Variants in KIF26B observed in about 807,000 individuals in gnomAD.
The protein encoded by KIF26B is kinesin family member 26B, also known as kinesin-like protein KIF26B.
KIF26B carries 63 observed loss-of-function variants against 151.2 expected under a neutral mutation model. That is an observed-to-expected ratio of 0.42 (90% CI 0.34 to 0.51). The LOEUF (loss-of-function observed/expected upper bound fraction) is 0.51, where lower values mean the gene tolerates loss of function less well. KIF26B is among the 20% of genes least tolerant of loss of function. KIF26B has a pLI of 0.07. For missense variants in KIF26B, 2,813 were observed against 2,913.6 expected (o/e 0.97, Z 0.79); for synonymous variants, 1,357 against 1,262.1 (o/e 1.08, Z -1.59).
At chr1:245,527,709 A>G (rs993598635) in intron 4 of KIF26B, among the ~76,000 whole-genome samples, 1 of 150,750 alleles carries the variant, frequency 6.6e-6, no homozygotes, top group Non-Finnish European at 1.5e-5. Context: ...AATTTTTTGT[A>G]TTTTTAGTAG....
At chr1:245,307,844 A>C (rs1035841730) in intron 2 of KIF26B, among the ~76,000 whole-genome samples, 28 of 151,356 alleles carry the variant, frequency 1.8e-4, no homozygotes, top group South Asian at 4.2e-4. Context: ...GGGTTCACGC[A>C]ATTCTCCTGC....
At chr1:245,163,163 GA>G (rs1215883402) in intron 2 of KIF26B, among the ~76,000 whole-genome samples, 2 of 152,114 alleles carry the variant, frequency 1.3e-5, no homozygotes, top group African/African-American at 4.8e-5. Flanking sequence ...GGATCTTCTA[GA>G]ATGTTCTCAC....
Position 245,708,636 on chromosome 1 carries a change from C to T in KIF26B, c.*6030C>T, listed in dbSNP as rs142354256. Reference sequence around the variant, plus strand: ...TTCCAGCTTTGCCAGTCATCCTGTCCGTGATATATTCCATAGGACAGAAAA... The same window carrying T: ...TTCCAGCTTTGCCAGTCATCCTGTCTGTGATATATTCCATAGGACAGAAAA... On this transcript the variant is annotated 3_prime_UTR_variant, in exon 15 of 15. Transcript: ENST00000407071. The T allele has an allele frequency of 6.6e-3, 1,000 of 150,996 alleles. 9 individuals are homozygous for T. Among genetic ancestry groups the T allele is most frequent in the African/African-American group, 0.023 (935 of 41,006 alleles). The allele number at this position is 150,996 out of a possible 1,614,324, so 9.4% of individuals were successfully genotyped here. A position where few individuals can be genotyped will look rare whatever the true frequency, so the allele number is the denominator to read the frequency against.
chr1:245,419,837 G>C, intron 4 of KIF26B, 92 bp downstream of exon 4: 1 of 1,187,330 alleles, frequency 8.4e-7, no homozygotes, highest in East Asian at 2.4e-5. Flanking sequence ...ACTAGAAAGA[G>C]TTTGGGGCCG....
chr1:245,196,018 G>A (rs1669186197), intron 2 of KIF26B, among the ~76,000 whole-genome samples: 2 of 152,252 alleles, frequency 1.3e-5, no homozygotes, highest in South Asian at 2.1e-4. Flanking sequence ...GGTTATCCTC[G>A]AGGTCCTTCA....
At chr1:245,251,481 T>C (rs774546432) in intron 2 of KIF26B, among the ~76,000 whole-genome samples, 3 of 152,238 alleles carry the variant, frequency 2.0e-5, no homozygotes, top group Non-Finnish European at 4.4e-5. Context: ...TTTAATATCA[T>C]GCAAAAAAAT....
intron 3 of KIF26B, among the ~76,000 whole-genome samples, chr1:245,373,607 A>G (rs933151554): frequency 5.3e-5 from 8 of 152,168 alleles, no homozygotes; most frequent in Admixed American, 2.0e-4. Flanking sequence ...AATGCTCTTG[A>G]TACAATTTTT....
chr1:245,315,447 T>A (rs1461061859), intron 2 of KIF26B, among the ~76,000 whole-genome samples: 2 of 150,232 alleles, frequency 1.3e-5, no homozygotes, highest in African/African-American at 4.9e-5. Context: ...AAAGGCCGGG[T>A]GCAGTGGCTC....
At chr1:245,381,402 G>A (rs993523971) in intron 3 of KIF26B, among the ~76,000 whole-genome samples, 6 of 152,208 alleles carry the variant, frequency 3.9e-5, no homozygotes, top group African/African-American at 1.4e-4. Flanking sequence ...CCCGCAGCCT[G>A]CAGTCTACAT....
chr1:245,205,529 C>T (rs1188615694), intron 2 of KIF26B, among the ~76,000 whole-genome samples: 3 of 152,136 alleles, frequency 2.0e-5, no homozygotes, highest in African/African-American at 7.2e-5. Flanking sequence ...TTGAGAACTA[C>T]ATTTCCACAA....
At chr1:245,276,592 C>T (rs1161369257) in intron 2 of KIF26B, among the ~76,000 whole-genome samples, 1 of 152,138 alleles carries the variant, frequency 6.6e-6, no homozygotes, top group Non-Finnish European at 1.5e-5. Context: ...GACTATGATC[C>T]AGTCTACTCT....
chr1:245,413,836 G>A (rs4658771), intron 3 of KIF26B, among the ~76,000 whole-genome samples: 4,333 of 152,230 alleles, frequency 0.028, 85 homozygotes, highest in Admixed American at 0.048. Context: ...ATGGAACTGA[G>A]GCCTGACATG....
chr1:245,418,427 C>CA (rs980471269), intron 3 of KIF26B, among the ~76,000 whole-genome samples: 33 of 152,228 alleles, frequency 2.2e-4, no homozygotes, highest in African/African-American at 7.7e-4. Flanking sequence ...TTAAGCGGAG[C>CA]AAAGTTCCCA....
intron 4 of KIF26B, among the ~76,000 whole-genome samples, chr1:245,479,634 T>A (rs1291742370): frequency 6.6e-6 from 1 of 151,892 alleles, no homozygotes; most frequent in African/African-American, 2.4e-5. Flanking sequence ...ATACAGAGAA[T>A]GTAGTTTGAC....
At chr1:245,332,325 C>T (rs1442231705) in intron 2 of KIF26B, among the ~76,000 whole-genome samples, 1 of 152,110 alleles carries the variant, frequency 6.6e-6, no homozygotes, top group African/African-American at 2.4e-5. Context: ...ATAACCCCCA[C>T]CCGTCTCCCA....
At chr1:245,217,125 C>T (rs990213559) in intron 2 of KIF26B, among the ~76,000 whole-genome samples, 2 of 152,178 alleles carry the variant, frequency 1.3e-5, no homozygotes, top group Non-Finnish European at 2.9e-5. Flanking sequence ...TGTCCAATTC[C>T]CCTCTGATTG....
intron 2 of KIF26B, among the ~76,000 whole-genome samples, chr1:245,253,616 G>C (rs1434187964): frequency 6.6e-6 from 1 of 151,974 alleles, no homozygotes; most frequent in African/African-American, 2.4e-5. Flanking sequence ...GATTAATACA[G>C]TTTGGTAGGA....
intron 10 of KIF26B, among the ~76,000 whole-genome samples, chr1:245,669,710 C>T (rs570377273): frequency 5.3e-5 from 8 of 152,192 alleles, no homozygotes; most frequent in African/African-American, 1.4e-4. Flanking sequence ...AATTGCAGTC[C>T]GTGTGCGTTG....
At chr1:245,485,897 C>T (rs1219930098) in intron 4 of KIF26B, among the ~76,000 whole-genome samples, 1 of 152,184 alleles carries the variant, frequency 6.6e-6, no homozygotes, top group Non-Finnish European at 1.5e-5. Context: ...AGTTAAGATT[C>T]CTTACTACTT....
Sources: gnomAD v4.1 joint callset for allele counts (sites outside exome capture counted in the v4.1 genomes callset) on GRCh38, gnomAD v4.1.1 for gene constraint, MANE v1.5 for transcripts, NCBI Gene and HGNC (gene_info 2026-07-23, HGNC 2026-07-21) for gene names.